The following ARMCX6 variants were observed in gnomAD, a reference collection of about 807,000 sequenced individuals.
ARMCX6 encodes the protein protein ARMCX6.
For synonymous variants in ARMCX6, 85 were observed against 70.3 expected, an observed-to-expected ratio of 1.21 and a Z score of -1.05; for missense variants, 194 against 186.0, an observed-to-expected ratio of 1.04 and a Z score of -0.25.
chrX:101,617,482 T>C (rs782343706), intron 2 of ARMCX6, 21 bp downstream of exon 2: 1 of 107,097 alleles, frequency 9.3e-6, no homozygotes, highest in African/African-American at 3.4e-5. Flanking sequence ...GGTCCTGGGC[T>C]AATCCCACCT....
rs1556036079 is a variant in ARMCX6, at chrX:101,616,632, T to G, written c.-12A>C. The G allele has an allele frequency of 8.3e-7, 1 of 1,201,247 alleles. No individual in the cohort carries two copies. The highest frequency in any genetic ancestry group is 2.2e-5 in the Admixed American group (1 of 45,636). On this transcript the variant is annotated 5_prime_UTR_variant, in exon 3 of 3. Coordinates refer to ENST00000361910, the MANE Select transcript of ARMCX6 (RefSeq NM_019007.4). ...CGAGCCCGGCCCATGCTCAAGTCTG[T>G]GCCAGCCTTGGGGCAGGACAGGAGA...
intron 2 of ARMCX6, 93 bp from the exon 3 acceptor site, chrX:101,616,859 T>A: frequency 2.2e-6 from 1 of 446,151 alleles, no homozygotes; most frequent in Non-Finnish European, 3.5e-6. Context: ...AAAGGCAGAT[T>A]AACAGGATAC....
Position 101,616,091 on chromosome X carries a change from G to C in ARMCX6, c.530C>G (p.Ala177Gly). The C allele has an allele frequency of 8.6e-7, 1 of 1,157,378 alleles. No individual in the cohort carries two copies. Among genetic ancestry groups the C allele is most frequent in the East Asian group, 3.0e-5 (1 of 32,788 alleles). The change falls in exon 3 of 3, where the codon GCT (alanine) becomes GGT (glycine). Residue 177 changes from alanine (A) to glycine (G), a missense_variant. Transcript: ENST00000361910. ...ATTTAAGTTATCCGGGGCACACAAA[G>C]CCTCTCTAACAGTGGGGTCTGGAGT... ...SPTPDPTVRE[A>G]LCAPDNLNAS...
rs200427179 is a variant in ARMCX6, at chrX:101,616,283, C to T, written c.338G>A (p.Trp113Ter). Residue 113 changes from tryptophan (W) to a stop codon, truncating the protein, a stop_gained, in exon 3 of 3, where the codon TGG (tryptophan) becomes TAG (stop). Transcript: ENST00000361910. LOFTEE classifies it low-confidence loss of function (END_TRUNC). ...GCCATTTTTACAATTTTGAGCACTCCAAGTATTTTTATGTTCATAGGGGAA... is the reference window on the plus strand; with the variant it reads ...GCCATTTTTACAATTTTGAGCACTCTAAGTATTTTTATGTTCATAGGGGAA... ...RPFPYEHKNT[W>*]SAQNCKNGSC... is the part of the protein sequence containing the mutation. The T allele has an allele frequency of 2.8e-5, 34 of 1,209,436 alleles. No individual in the cohort carries two copies. Among genetic ancestry groups the T allele is most frequent in the Non-Finnish European group, 1.3e-5 (12 of 895,137 alleles).
rs1439960484 is a variant in ARMCX6, at chrX:101,617,897, A to G, written c.-241T>C. ...CCCTCGCACCGACCTGCACGGTCCGAGCTAGTTTCCTTCTTTCTTCACACG... is the reference window on the plus strand; with the variant it reads ...CCCTCGCACCGACCTGCACGGTCCGGGCTAGTTTCCTTCTTTCTTCACACG... On this transcript the variant is annotated 5_prime_UTR_variant, in exon 1 of 3. Coordinates refer to ENST00000361910, the MANE Select transcript of ARMCX6 (RefSeq NM_019007.4). The G allele has an allele frequency of 9.0e-6, 1 of 111,174 alleles. No homozygotes were observed. The highest frequency in any genetic ancestry group is 1.9e-5 in the Non-Finnish European group (1 of 52,919). The allele number at this position is 111,174 out of a possible 1,213,427, so 9.2% of individuals were successfully genotyped here. A position where few individuals can be genotyped will look rare whatever the true frequency, so the allele number is the denominator to read the frequency against.
In ARMCX6 at chrX:101,616,484, T is replaced by C; in HGVS notation, c.137A>G (p.Asp46Gly). Residue 46 changes from aspartate to glycine, a missense_variant, in exon 3 of 3, where the codon GAC (aspartate) becomes GGC (glycine). Transcript: ENST00000361910. ...CTCCTCATCCAGCTCCTGGTCATCG[T>C]CCCACTCCTCTTCCCCCTCCTCCTC... ...KLEEEGEEEW[D>G]DDQELDEEEP... is the part of the protein sequence containing the mutation. 1 of 1,211,548 alleles carries C rather than the reference T, an allele frequency of 8.3e-7. No individual in the cohort carries two copies. The highest frequency in any genetic ancestry group is 1.1e-6 in the Non-Finnish European group (1 of 895,324).
Position 101,615,956 on chromosome X carries a change from A to T in ARMCX6, c.665T>A (p.Leu222Ter). Reference sequence around the variant, plus strand: ...GTTATTAATAACTGTCATGCTTATTAACAAATTTAATCCGGCCTGCTGCAG... The same window carrying T: ...GTTATTAATAACTGTCATGCTTATTTACAAATTTAATCCGGCCTGCTGCAG... Reference protein sequence around the residue: ...SFLQQAGLNLLISMTVINNML... With the variant: ...SFLQQAGLNL The change falls in exon 3 of 3, where the codon TTA (leucine) becomes TAA (stop). Residue 222 changes from leucine (L) to a stop codon, truncating the protein, a stop_gained. Coordinates refer to ENST00000361910, the MANE Select transcript of ARMCX6 (RefSeq NM_019007.4). LOFTEE classifies it low-confidence loss of function (END_TRUNC). 1.9e-6 allele frequency: 1 copy of T among 516,991 alleles called. No homozygotes were observed. The highest frequency in any genetic ancestry group is 2.9e-6 in the Non-Finnish European group (1 of 348,568). The allele number at this position is 516,991 out of a possible 1,213,427, so 42.6% of individuals were successfully genotyped here. A position where few individuals can be genotyped will look rare whatever the true frequency, so the allele number is the denominator to read the frequency against.
At position 101,616,492 on chromosome X, in the gene ARMCX6, C is replaced by T. The variant is rs782642193; in HGVS notation, c.129G>A (p.Glu43=). Residue 43 remains glutamate, a synonymous_variant, in exon 3 of 3, where the codon GAG becomes GAA. Transcript: ENST00000361910. ...CCAGCTCCTGGTCATCGTCCCACTC[C>T]TCTTCCCCCTCCTCCTCCAGCTTCT... The part of the protein sequence containing the change: ...DSEKLEEEGE[E]EWDDDQELDE... The T allele has an allele frequency of 1.7e-4, 205 of 1,209,825 alleles. No individual in the cohort carries two copies. The highest frequency in any genetic ancestry group is 2.2e-4 in the Non-Finnish European group (201 of 895,014).
Position 101,617,894 on chromosome X carries a change from C to G in ARMCX6, c.-238G>C. The G allele has an allele frequency of 9.0e-6, 1 of 111,542 alleles. No individual in the cohort carries two copies. Among genetic ancestry groups the G allele is most frequent in the Non-Finnish European group, 1.9e-5 (1 of 53,061 alleles). 9.2% of individuals were successfully genotyped at this position (111,542 alleles called of 1,213,427 possible). ...CCACCCTCGCACCGACCTGCACGGT[C>G]CGAGCTAGTTTCCTTCTTTCTTCAC... On this transcript the variant is annotated 5_prime_UTR_variant, in exon 1 of 3. Transcript: ENST00000361910.
Position 101,616,014 on chromosome X carries a change from G to T in ARMCX6, c.607C>A (p.Arg203=). The T allele has an allele frequency of 1.2e-6, 1 of 863,280 alleles. No homozygotes were observed. The highest frequency in any genetic ancestry group is 3.5e-5 in the East Asian group (1 of 28,308). 71.1% of individuals were successfully genotyped at this position (863,280 alleles called of 1,213,427 possible). ...QIKMYINEVC[R]ETVSRCCNSF... ...TTGCAGCAACGTGACACAGTCTCCC[G>T]ACACACTTCATTGATGTACATCTTA... Residue 203 remains arginine (R), a synonymous_variant, in exon 3 of 3, where the codon CGG becomes AGG. Transcript: ENST00000361910.
At chrX:101,617,702 C>A (rs998516718) in intron 1 of ARMCX6, 118 bp from the exon 2 acceptor site, 4 of 110,162 alleles carry the variant, frequency 3.6e-5, no homozygotes, top group Non-Finnish European at 5.7e-5. Context: ...CCCTCACCCC[C>A]ACCCGAAACC....
At chrX:101,616,980 A>G in intron 2 of ARMCX6, 1 of 196,071 alleles carries the variant, frequency 5.1e-6, no homozygotes, top group Non-Finnish European at 9.4e-6. Flanking sequence ...TATGATAGCT[A>G]GGAGGGTGAC....
chrX:101,616,599 C>G lies in ARMCX6; in HGVS notation c.22G>C (p.Gly8Arg), dbSNP rs1935818325. 8.3e-7 allele frequency: 1 copy of G among 1,208,281 alleles called. No homozygotes were observed. Among genetic ancestry groups the G allele is most frequent in the African/African-American group, 1.7e-5 (1 of 57,345 alleles). MGRAREV[G>R]WMAAGLMIGA... is the part of the protein sequence containing the mutation. The stretch of plus-strand genomic sequence containing the variant: ...ATCATCAGTCCTGCCGCCATCCAAC[C>G]CACTTCCCGAGCCCGGCCCATGCTC... The change falls in exon 3 of 3, where the codon GGT (glycine) becomes CGT (arginine). Residue 8 changes from glycine (G) to arginine (R), a missense_variant. By Grantham distance (125) the Gly-to-Arg change is moderately radical. Coordinates refer to ENST00000361910, the MANE Select transcript of ARMCX6 (RefSeq NM_019007.4).
Position 101,616,717 on chromosome X carries a change from G to A in ARMCX6, c.-97C>T. The A allele has an allele frequency of 8.9e-7, 1 of 1,118,391 alleles. No homozygotes were observed. 92.2% of individuals were successfully genotyped at this position (1,118,391 alleles called of 1,213,427 possible). ...GGTCCAGGGTGAGTAAGGATGGAGG[G>A]TAGCAGTCTTCAGCTTCTTCCAGGC... On this transcript the variant is annotated 5_prime_UTR_variant, in exon 3 of 3. Coordinates refer to ENST00000361910, the MANE Select transcript of ARMCX6 (RefSeq NM_019007.4).
chrX:101,616,597 A>G lies in ARMCX6; in HGVS notation c.24T>C (p.Gly8=). The change falls in exon 3 of 3, where the codon GGT becomes GGC. Residue 8 remains glycine (G), a synonymous_variant. Transcript: ENST00000361910. MGRAREV[G]WMAAGLMIGA... Reference sequence around the variant, plus strand: ...CAATCATCAGTCCTGCCGCCATCCAACCCACTTCCCGAGCCCGGCCCATGC... The same window carrying G: ...CAATCATCAGTCCTGCCGCCATCCAGCCCACTTCCCGAGCCCGGCCCATGC... 8.3e-7 allele frequency: 1 copy of G among 1,208,671 alleles called. No individual in the cohort carries two copies.
Position 101,616,375 on chromosome X carries a change from A to T in ARMCX6, c.246T>A (p.Gly82=). Residue 82 remains glycine (G), a synonymous_variant, in exon 3 of 3, where the codon GGT becomes GGA. Coordinates refer to ENST00000361910, the MANE Select transcript of ARMCX6 (RefSeq NM_019007.4). ...DGDWTEPGAP[G]GTEDRPSGGG... ...CCCCTGAGGGCCTGTCCTCAGTGCC[A>T]CCTGGGGCCCCAGGTTCAGTCCAAT... 8.3e-7 allele frequency: 1 copy of T among 1,211,005 alleles called. No individual in the cohort carries two copies.
Position 101,616,961 on chromosome X carries a change from G to A in ARMCX6, c.-146-195C>T, listed in dbSNP as rs1411929754. 3 of 228,958 alleles carry A rather than the reference G, an allele frequency of 1.3e-5. No individual in the cohort carries two copies. The Admixed American group carries it at 1.9e-4, about 15-fold the overall frequency. 18.9% of individuals were successfully genotyped at this position (228,958 alleles called of 1,213,427 possible). On this transcript the variant is annotated intron_variant, in intron 2 of 2. Transcript: ENST00000361910. ...GGTCCACAGGGAAGGGCAGGAGATG[G>A]GTCTCTGCTATGATAGCTAGGAGGG...
At position 101,616,129 on chromosome X, in the gene ARMCX6, TC is replaced by T. The variant is rs782805936; in HGVS notation, c.491del (p.Arg164LysfsTer21). On this transcript the variant is annotated frameshift_variant, in exon 3 of 3. Transcript: ENST00000361910. LOFTEE classifies it low-confidence loss of function (END_TRUNC). ...TGGGGTCTGGAGTGGGGCTCGTGTT[TC>T]TAGCCATTGAGAGGCTGGCCAAATG... ...NSHLASLSMA[R>X]NTSPTPDPTV... 1 of 1,185,420 alleles carries T rather than the reference TC, an allele frequency of 8.4e-7. No individual in the cohort carries two copies. Among genetic ancestry groups the T allele is most frequent in the Non-Finnish European group, 1.1e-6 (1 of 884,725 alleles).
chrX:101,617,441 C>G (rs1247296620), intron 2 of ARMCX6, 62 bp downstream of exon 2: 1 of 110,187 alleles, frequency 9.1e-6, no homozygotes, highest in African/African-American at 3.3e-5. Context: ...CTCTCATATC[C>G]CAGCCCCCCT....
Sources: allele counts gnomAD v4.1 joint callset, GRCh38; gene constraint gnomAD v4.1.1; transcripts MANE v1.5; gene names NCBI Gene and HGNC (gene_info 2026-07-23, HGNC 2026-07-21).